The following DEFA4 variants were observed in gnomAD, a reference collection of about 807,000 sequenced individuals.
The protein encoded by DEFA4 is defensin alpha 4.
DEFA4 carries 8 observed loss-of-function variants against 4.4 expected under a neutral mutation model. That is an observed-to-expected ratio of 1.82 (90% CI 1.07 to 3.29). DEFA4 has a LOEUF of 3.29. Ranked by LOEUF, DEFA4 falls within the 30% of genes most tolerant of loss-of-function variation. DEFA4 has a pLI of 0.00. For missense variants in DEFA4, 216 were observed against 127.0 expected (o/e 1.70, Z -3.37); for synonymous variants, 77 against 46.5 (o/e 1.66, Z -2.67).
In DEFA4 at chr8:6,936,918, G is replaced by C; in HGVS notation, c.-12-7C>G. On this transcript the variant is annotated splice_polypyrimidine_tract_variant and splice_region_variant and intron_variant, in intron 1 of 2. Transcript: ENST00000297435. ...TCCTCATGGCTGGGGTGACCTGGAG[G>C]AGGGAGAGCAGGAGCAGCTGTGTGG... 1.3e-6 allele frequency: 2 copies of C among 1,566,326 alleles called. No homozygotes were observed. Among genetic ancestry groups the C allele is most frequent in the South Asian group, 2.4e-5 (2 of 84,416 alleles).
In DEFA4 at chr8:6,936,863, C is replaced by T. The variant is rs1373510824; in HGVS notation, c.37G>A (p.Val13Ile). Reference protein sequence around the residue: ...IIALLAAILLVALQVRAGPLQ... With the variant: ...IIALLAAILLIALQVRAGPLQ... The stretch of plus-strand genomic sequence containing the variant: ...GGGCCTGCCCGGACCTGGAGGGCTA[C>T]CAAGAGAATAGCAGCGAGGAGGGCG... The change falls in exon 2 of 3, where the codon GTA (valine) becomes ATA (isoleucine). Residue 13 changes from valine to isoleucine, a missense_variant. Transcript: ENST00000297435. The T allele has an allele frequency of 6.2e-7, 1 of 1,611,652 alleles. No homozygotes were observed. Among genetic ancestry groups the T allele is most frequent in the Non-Finnish European group, 8.5e-7 (1 of 1,178,856 alleles).
rs144517560 is a variant in DEFA4, at chr8:6,936,843, T to C, written c.57A>G (p.Ala19=). 93 of 1,612,986 alleles carry C rather than the reference T, an allele frequency of 5.8e-5. 1 individual carries two copies. Among genetic ancestry groups the C allele is most frequent in the Non-Finnish European group, 7.5e-5 (89 of 1,179,582 alleles). The stretch of plus-strand genomic sequence containing the variant: ...CATCACCTCTTGCCTGGAGTGGGCC[T>C]GCCCGGACCTGGAGGGCTACCAAGA... ...AILLVALQVR[A]GPLQARGDEA... Residue 19 remains alanine (A), a synonymous_variant, in exon 2 of 3, where the codon GCA becomes GCG. Transcript: ENST00000297435.
At position 6,936,059 on chromosome 8, in the gene DEFA4, A is replaced by G. The variant is rs2738100; in HGVS notation, c.255T>C (p.Gly85=). The stretch of plus-strand genomic sequence containing the variant: ...TGCAGCAGTATGTGAAACTCACACC[A>G]CCAATGAGGCAGTTCCCAACACGAA... ...TELRVGNCLI[G]GVSFTYCCTR... Residue 85 remains glycine, a synonymous_variant, in exon 3 of 3, where the codon GGT becomes GGC. Transcript: ENST00000297435. The G allele has an allele frequency of 0.4, 638,471 of 1,613,472 alleles. 130,446 individuals carry two copies. The highest frequency in any genetic ancestry group is 0.56 in the African/African-American group (41,720 of 74,932).
At chr8:6,938,036 T>A (rs1321035179) in intron 1 of DEFA4, among the ~76,000 whole-genome samples, 190 bp downstream of exon 1, 1 of 152,164 alleles carries the variant, frequency 6.6e-6, no homozygotes, top group Non-Finnish European at 1.5e-5. Flanking sequence ...AAGGAAACTT[T>A]TTGAGTTTCT....
intron 2 of DEFA4, 84 bp from the exon 3 acceptor site, chr8:6,936,225 G>T: frequency 6.4e-7 from 1 of 1,569,692 alleles, no homozygotes; most frequent in South Asian, 1.1e-5. Context: ...GTCACATGCT[G>T]GCTGACCGGT....
At position 6,935,883 on chromosome 8, in the gene DEFA4, C is replaced by G; in HGVS notation, c.*137G>C. On this transcript the variant is annotated 3_prime_UTR_variant, in exon 3 of 3. Transcript: ENST00000297435. The stretch of plus-strand genomic sequence containing the variant: ...TGTTAAGGACAAAGTATAGGAGAAA[C>G]AACCATTTCCTGTAGCTCTCAAAGC... 8 of 1,192,508 alleles carry G rather than the reference C, an allele frequency of 6.7e-6. No individual in the cohort carries two copies. Among genetic ancestry groups the G allele is most frequent in the Non-Finnish European group, 9.8e-6 (8 of 816,944 alleles). 73.9% of individuals were successfully genotyped at this position (1,192,508 alleles called of 1,614,324 possible).
intron 2 of DEFA4, among the ~76,000 whole-genome samples, chr8:6,936,422 G>T (rs544548196): frequency 6.6e-6 from 1 of 152,240 alleles, no homozygotes. Context: ...AATTTCCTTT[G>T]TTGGCAGAAT....
Position 6,936,804 on chromosome 8 carries a change from C to G in DEFA4, c.96G>C (p.Gln32His). 1.2e-6 allele frequency: 2 copies of G among 1,613,814 alleles called. No homozygotes were observed. Among genetic ancestry groups the G allele is most frequent in the Non-Finnish European group, 1.7e-6 (2 of 1,179,878 alleles). The part of the protein sequence containing the change: ...LQARGDEAPG[Q>H]EQRGPEDQDI... ...CCTGGTCTTCTGGCCCACGCTGCTC[C>G]TGGCCTGGAGCCTCATCACCTCTTG... Residue 32 changes from glutamine to histidine, a missense_variant, in exon 2 of 3, where the codon CAG becomes CAC. Physicochemically the swap from Gln to His is conservative, Grantham distance 24. Coordinates refer to ENST00000297435, the MANE Select transcript of DEFA4 (RefSeq NM_001925.3).
At chr8:6,936,202 G>A (rs1477050732) in intron 2 of DEFA4, 61 bp from the exon 3 acceptor site, 1 of 1,597,632 alleles carries the variant, frequency 6.3e-7, no homozygotes, top group African/African-American at 1.3e-5. Flanking sequence ...GTGGTAAAGG[G>A]AATCTTGGAG....
intron 2 of DEFA4, 77 bp from the exon 3 acceptor site, chr8:6,936,218 A>C (rs1415620820): frequency 1.6e-5 from 26 of 1,584,206 alleles, no homozygotes; most frequent in Non-Finnish European, 2.1e-5. Flanking sequence ...TGGAGAAGTC[A>C]CATGCTGGCT....
intron 2 of DEFA4, 68 bp from the exon 3 acceptor site, chr8:6,936,209 G>A (rs1206771225): frequency 2.5e-6 from 4 of 1,595,862 alleles, no homozygotes; most frequent in Non-Finnish European, 3.4e-6. Flanking sequence ...AGGGAATCTT[G>A]GAGAAGTCAC....
intron 1 of DEFA4, 24 bp from the exon 2 acceptor site, chr8:6,936,935 G>T: frequency 6.6e-7 from 1 of 1,518,628 alleles, no homozygotes. Context: ...AGCAGGAGCA[G>T]CTGTGTGGGG....
intron 1 of DEFA4, among the ~76,000 whole-genome samples, chr8:6,937,503 G>C (rs943906817): frequency 1.3e-5 from 2 of 152,162 alleles, no homozygotes; most frequent in Non-Finnish European, 2.9e-5. Flanking sequence ...CTCAGTGAGA[G>C]AGATAAAGAG....
chr8:6,938,201 A>C (rs1486512510), intron 1 of DEFA4, 25 bp downstream of exon 1: 1 of 152,150 alleles, frequency 6.6e-6, no homozygotes, highest in Non-Finnish European at 1.5e-5. Context: ...CCTCAATGTG[A>C]AAGTTTAAGT....
intron 2 of DEFA4, among the ~76,000 whole-genome samples, chr8:6,936,495 C>G (rs1343619589): frequency 1.3e-5 from 2 of 152,130 alleles, no homozygotes; most frequent in African/African-American, 4.8e-5. Context: ...ATCTGTCTCT[C>G]CGTATCTTAA....
In DEFA4 at chr8:6,936,085, G is replaced by C. The variant is rs776383257; in HGVS notation, c.229C>G (p.Leu77Val). 6.2e-7 allele frequency: 1 copy of C among 1,614,070 alleles called. No individual in the cohort carries two copies. The highest frequency in any genetic ancestry group is 1.1e-5 in the South Asian group (1 of 90,992). Reference protein sequence around the residue: ...CRLVFCRRTELRVGNCLIGGV... With the variant: ...CRLVFCRRTEVRVGNCLIGGV... ...CCAATGAGGCAGTTCCCAACACGAA[G>C]TTCTGTTCGCCGGCAGAATACTAAT... is the stretch of plus-strand genomic sequence containing the variant. The change falls in exon 3 of 3, where the codon CTT (leucine) becomes GTT (valine). Residue 77 changes from leucine to valine, a missense_variant. By Grantham distance (32) the Leu-to-Val change is conservative. Coordinates refer to ENST00000297435, the MANE Select transcript of DEFA4 (RefSeq NM_001925.3).
At chr8:6,936,364 A>G (rs1160533799) in intron 2 of DEFA4, among the ~76,000 whole-genome samples, 1 of 152,166 alleles carries the variant, frequency 6.6e-6, no homozygotes, top group African/African-American at 2.4e-5. Context: ...CTTTTGCCCC[A>G]TCAGACACAC....
Position 6,936,841 on chromosome 8 carries a change from C to A in DEFA4, c.59G>T (p.Gly20Val), listed in dbSNP as rs1174600084. ...CTCATCACCTCTTGCCTGGAGTGGG[C>A]CTGCCCGGACCTGGAGGGCTACCAA... ...ILLVALQVRA[G>V]PLQARGDEAP... Residue 20 changes from glycine to valine, a missense_variant, in exon 2 of 3, where the codon GGC becomes GTC. Gly to Val is a moderately radical substitution (Grantham distance 109, BLOSUM62 -3). Transcript: ENST00000297435. 1 of 1,612,794 alleles carries A rather than the reference C, an allele frequency of 6.2e-7. No homozygotes were observed. The highest frequency in any genetic ancestry group is 1.3e-5 in the African/African-American group (1 of 74,858).
chr8:6,936,033 G>T lies in DEFA4; in HGVS notation c.281C>A (p.Thr94Lys), dbSNP rs772958227. The change falls in exon 3 of 3, where the codon ACG (threonine) becomes AAG (lysine). Residue 94 changes from threonine to lysine, a missense_variant. Transcript: ENST00000297435. Reference protein sequence around the residue: ...IGGVSFTYCCTRVD With the variant: ...IGGVSFTYCCKRVD ...GACAGCAGAACGTTAATCGACACGCGTGCAGCAGTATGTGAAACTCACACC... is the reference window on the plus strand; with the variant it reads ...GACAGCAGAACGTTAATCGACACGCTTGCAGCAGTATGTGAAACTCACACC... The T allele has an allele frequency of 6.2e-7, 1 of 1,613,834 alleles. No individual in the cohort carries two copies. The highest frequency in any genetic ancestry group is 8.5e-7 in the Non-Finnish European group (1 of 1,179,894).
Sources: gnomAD v4.1 joint callset for allele counts (sites outside exome capture counted in the v4.1 genomes callset) on GRCh38, gnomAD v4.1.1 for gene constraint, MANE v1.5 for transcripts, NCBI Gene and HGNC (gene_info 2026-07-23, HGNC 2026-07-21) for gene names.